Variants in PRUNE2 observed in about 807,000 individuals in gnomAD.
PRUNE2 encodes the protein prune homolog 2 with BCH domain, also known as protein prune homolog 2.
A neutral mutation model predicts 252.0 loss-of-function variants in PRUNE2; 164 were observed. The observed-to-expected ratio is 0.65, with a 90% CI of 0.57 to 0.74. The LOEUF (loss-of-function observed/expected upper bound fraction) is 0.74, where lower values mean the gene tolerates loss of function less well. Among genes scored for constraint, PRUNE2 ranks in the 30% least tolerant of loss-of-function variants. The pLI is 0.00. For missense variants in PRUNE2, 3,495 were observed against 3,711.0 expected (o/e 0.94, Z 1.51); for synonymous variants, 1,292 against 1,350.2 (o/e 0.96, Z 0.94).
At chr9:76,863,858 T>C (rs1440807254) in intron 1 of PRUNE2, among the ~76,000 whole-genome samples, 3 of 152,192 alleles carry the variant, frequency 2.0e-5, no homozygotes, top group Non-Finnish European at 2.9e-5. Context: ...TGTAAATTAG[T>C]TCAGCCACTG....
At chr9:76,872,653 C>T (rs1022849722) in intron 1 of PRUNE2, among the ~76,000 whole-genome samples, 14 of 143,894 alleles carry the variant, frequency 9.7e-5, no homozygotes, top group African/African-American at 1.3e-4. Flanking sequence ...ACCCTCACAC[C>T]TCAAAACTCC....
chr9:76,725,430 T>C (rs940069197), intron 6 of PRUNE2, among the ~76,000 whole-genome samples: 5 of 152,254 alleles, frequency 3.3e-5, no homozygotes, highest in Non-Finnish European at 7.3e-5. Context: ...GATATCCTGA[T>C]GGGTCTAATG....
At chr9:76,841,160 G>A (rs1028648229) in intron 4 of PRUNE2, among the ~76,000 whole-genome samples, 3 of 152,128 alleles carry the variant, frequency 2.0e-5, no homozygotes, top group African/African-American at 7.2e-5. Context: ...GCCCAGCCAT[G>A]GAGGGTGAGC....
chr9:76,707,649 T>C lies in PRUNE2; in HGVS notation c.4625A>G (p.His1542Arg). 6.2e-7 allele frequency: 1 copy of C among 1,613,948 alleles called. No individual in the cohort carries two copies. Among genetic ancestry groups the C allele is most frequent in the East Asian group, 2.2e-5 (1 of 44,872 alleles). Reference sequence around the variant, plus strand: ...TAACTCAGGACTTGATGCACTTGAATGAGTATACTCACTAGAAATAGTATC... The same window carrying C: ...TAACTCAGGACTTGATGCACTTGAACGAGTATACTCACTAGAAATAGTATC... ...DRDTISSEYT[H>R]SSASSPELND... The change falls in exon 8 of 19, where the codon CAT (histidine) becomes CGT (arginine). Residue 1542 changes from histidine (H) to arginine (R), a missense_variant. Coordinates refer to ENST00000376718, the MANE Select transcript of PRUNE2 (RefSeq NM_015225.3).
At chr9:76,868,699 T>A (rs1589678521) in intron 1 of PRUNE2, among the ~76,000 whole-genome samples, 1 of 152,170 alleles carries the variant, frequency 6.6e-6, no homozygotes, top group Non-Finnish European at 1.5e-5. Flanking sequence ...AAATTTGCCC[T>A]GAAGACTAGT....
chr9:76,785,266 A>G (rs926432822), intron 6 of PRUNE2: 1 of 152,230 alleles, frequency 6.6e-6, no homozygotes, highest in African/African-American at 2.4e-5. Context: ...TAAGTTGACT[A>G]TCTTACTTCA....
chr9:76,639,046 T>C (rs528855696), intron 12 of PRUNE2, among the ~76,000 whole-genome samples: 20 of 152,330 alleles, frequency 1.3e-4, no homozygotes, highest in African/African-American at 4.6e-4. Context: ...CCTGTCCTCC[T>C]ACTCAAAGCT....
intron 6 of PRUNE2, among the ~76,000 whole-genome samples, chr9:76,725,287 T>A (rs2048011772): frequency 6.6e-6 from 1 of 152,222 alleles, no homozygotes; most frequent in South Asian, 2.1e-4. Flanking sequence ...CCTGACCAAA[T>A]GAAGATCAAA....
At chr9:76,799,729 G>A (rs1038085534) in intron 6 of PRUNE2, among the ~76,000 whole-genome samples, 1 of 152,184 alleles carries the variant, frequency 6.6e-6, no homozygotes, top group East Asian at 1.9e-4. Flanking sequence ...GATCACTGTA[G>A]ATATCTTTAT....
intron 6 of PRUNE2, among the ~76,000 whole-genome samples, chr9:76,754,235 T>A (rs899604134): frequency 5.3e-5 from 8 of 152,162 alleles, no homozygotes; most frequent in Admixed American, 1.3e-4. Context: ...TGCTTCAGGT[T>A]TGAACTACTC....
intron 6 of PRUNE2, chr9:76,738,083 T>C (rs1346404804): frequency 1.3e-5 from 2 of 152,202 alleles, no homozygotes; most frequent in Non-Finnish European, 2.9e-5. Context: ...GTTTTTTTTC[T>C]GGTGGTTAAT....
At chr9:76,633,580 CAAA>C (rs566175941) in intron 15 of PRUNE2, among the ~76,000 whole-genome samples, 3 of 133,096 alleles carry the variant, frequency 2.3e-5, no homozygotes, top group South Asian at 4.9e-4. Context: ...GAGGTTGTCT[CAAA>C]AAAAAAAAAA....
At chr9:76,718,717 A>T (rs2047371387) in intron 6 of PRUNE2, among the ~76,000 whole-genome samples, 1 of 152,014 alleles carries the variant, frequency 6.6e-6, no homozygotes, top group Non-Finnish European at 1.5e-5. Context: ...ACCCAGCCAC[A>T]TGGCTTTAAA....
intron 9 of PRUNE2, among the ~76,000 whole-genome samples, chr9:76,686,856 CTGAG>C (rs776092072): frequency 8.5e-5 from 13 of 152,212 alleles, no homozygotes; most frequent in Non-Finnish European, 1.6e-4. Context: ...TCTTCGCCTC[CTGAG>C]TAAGTGGGAC....
intron 6 of PRUNE2, 32 bp from the exon 7 acceptor site, chr9:76,713,753 G>C: frequency 6.5e-7 from 1 of 1,527,318 alleles, no homozygotes; most frequent in Non-Finnish European, 8.9e-7. Flanking sequence ...TGATATTAAT[G>C]TCAAACTGCC....
chr9:76,708,780 G>A lies in PRUNE2; in HGVS notation c.3494C>T (p.Thr1165Ile), dbSNP rs374827943. The change falls in exon 8 of 19, where the codon ACC becomes ATC. Residue 1165 changes from threonine (T) to isoleucine (I), a missense_variant. Coordinates refer to ENST00000376718, the MANE Select transcript of PRUNE2 (RefSeq NM_015225.3). Reference sequence around the variant, plus strand: ...TTCCAGCTGTCTCACTGTAAATCGGGTTTCCGGCTCGGAACCTTCAGCCAT... The same window carrying A: ...TTCCAGCTGTCTCACTGTAAATCGGATTTCCGGCTCGGAACCTTCAGCCAT... ...GYMAEGSEPE[T>I]RFTVRQLEPW... The A allele has an allele frequency of 1.1e-4, 171 of 1,613,756 alleles. No homozygotes were observed. The highest frequency in any genetic ancestry group is 1.4e-4 in the Non-Finnish European group (164 of 1,179,892).
At chr9:76,683,668 G>T (rs573881865) in intron 9 of PRUNE2, among the ~76,000 whole-genome samples, 23 of 152,084 alleles carry the variant, frequency 1.5e-4, no homozygotes, top group African/African-American at 5.3e-4. Context: ...CTGAAATTAG[G>T]CACACCTTCA....
intron 6 of PRUNE2, among the ~76,000 whole-genome samples, chr9:76,725,703 C>A (rs182080586): frequency 3.9e-5 from 6 of 152,220 alleles, no homozygotes; most frequent in African/African-American, 1.4e-4. Context: ...TTGGAGCACA[C>A]ATGCAGAGCC....
In PRUNE2 at chr9:76,708,839, C is replaced by T. The variant is rs59759970; in HGVS notation, c.3435G>A (p.Ala1145=). 2.8e-3 allele frequency: 4,548 copies of T among 1,613,822 alleles called. 105 individuals carry two copies. The African/African-American group carries it at 0.055, about 19-fold the overall frequency. ...CTGTTTGACCATCACTGGGGATTGC[C>T]GCACCCCCACTGCAGTCATCCCAGT... ...DLDWDDCSGG[A]AIPSDGQTEG... The change falls in exon 8 of 19, where the codon GCG becomes GCA. Residue 1145 remains alanine (A), a synonymous_variant. Transcript: ENST00000376718.
Sources: allele counts gnomAD v4.1 joint callset (sites outside exome capture counted in the v4.1 genomes callset), GRCh38; gene constraint gnomAD v4.1.1; transcripts MANE v1.5; gene names NCBI Gene and HGNC (gene_info 2026-07-23, HGNC 2026-07-21).